MSR1: variants seen among roughly 807,000 people sequenced by gnomAD.
The protein encoded by MSR1 is macrophage scavenger receptor types I and II.
MSR1 carries 53 observed loss-of-function variants against 47.2 expected under a neutral mutation model. The observed-to-expected ratio is 1.12, with a 90% CI of 0.90 to 1.41. MSR1 has a LOEUF of 1.41. MSR1 is among the 40% of genes most tolerant of loss of function. MSR1 has a pLI of 0.00. For synonymous variants in MSR1, 239 were observed against 185.6 expected (o/e 1.29, Z -2.34); for missense variants, 786 against 546.9 (o/e 1.44, Z -4.36).
chr8:16,192,420 G>GA, intron 1 of MSR1, among the ~76,000 whole-genome samples, 178 bp downstream of exon 1: 1 of 151,252 alleles, frequency 6.6e-6, no homozygotes, highest in African/African-American at 2.4e-5. Context: ...TTTGATTATC[G>GA]AAAAAAACCA....
At chr8:16,164,279 C>A in intron 4 of MSR1, 28 bp from the exon 5 acceptor site, 2 of 1,584,598 alleles carry the variant, frequency 1.3e-6, no homozygotes, top group Non-Finnish European at 1.7e-6. Flanking sequence ...GCATTCACAG[C>A]CTTTGTTACA....
At chr8:16,179,487 T>G (rs1450518069) in intron 1 of MSR1, among the ~76,000 whole-genome samples, 2 of 152,340 alleles carry the variant, frequency 1.3e-5, no homozygotes, top group Admixed American at 6.5e-5. Flanking sequence ...TCCTTAGTAT[T>G]ATTTTAATTA....
chr8:16,180,146 CCTT>C (rs1801785929), intron 1 of MSR1, among the ~76,000 whole-genome samples: 1 of 151,666 alleles, frequency 6.6e-6, no homozygotes, highest in Non-Finnish European at 1.5e-5. Flanking sequence ...CCTCTCTCTC[CCTT>C]CTTTCTCTCT....
intron 9 of MSR1, among the ~76,000 whole-genome samples, chr8:16,111,854 G>A (rs1013597780): frequency 2.3e-4 from 35 of 152,240 alleles, no homozygotes; most frequent in African/African-American, 7.0e-4. Context: ...GGAACTGTAC[G>A]TGCTCAAAGT....
At chr8:16,188,975 T>C (rs745391880) in intron 1 of MSR1, among the ~76,000 whole-genome samples, 22,041 of 127,574 alleles carry the variant, frequency 0.17, 2,697 homozygotes, top group African/African-American at 0.37. Context: ...TACATATATA[T>C]ATATATATAT....
chr8:16,143,138 A>G (rs1371346883), intron 8 of MSR1, among the ~76,000 whole-genome samples: 2 of 152,118 alleles, frequency 1.3e-5, no homozygotes, highest in African/African-American at 4.8e-5. Context: ...ATAAACGAAG[A>G]GCCCCAGACA....
chr8:16,133,425 A>G (rs1800311785), intron 8 of MSR1, among the ~76,000 whole-genome samples: 1 of 152,152 alleles, frequency 6.6e-6, no homozygotes, highest in African/African-American at 2.4e-5. Flanking sequence ...CTCTCCCAAA[A>G]ATTGTCCTAG....
intron 8 of MSR1, among the ~76,000 whole-genome samples, chr8:16,129,501 T>A (rs1800206168): frequency 6.6e-6 from 1 of 152,046 alleles, no homozygotes; most frequent in Non-Finnish European, 1.5e-5. Flanking sequence ...ACCCCAGCAC[T>A]TTGGGAGGTC....
intron 7 of MSR1, among the ~76,000 whole-genome samples, chr8:16,148,433 T>C (rs527530587): frequency 1.7e-4 from 26 of 152,202 alleles, no homozygotes; most frequent in Non-Finnish European, 3.4e-4. Flanking sequence ...AGCACATTAA[T>C]GTTTATAGCT....
Position 16,136,375 on chromosome 8 carries a change from G to A in MSR1, c.1033+7183C>T, listed in dbSNP as rs569372618. The stretch of plus-strand genomic sequence containing the variant: ...TTCCGGAAGGTTCAAATGATTGTTA[G>A]CATTTTTTAGCAATAAAGTATTTTA... On this transcript the variant is annotated intron_variant, in intron 8 of 9. Transcript: ENST00000262101. Among the ~76,000 whole-genome samples, 5 of 152,198 alleles carry A rather than the reference G, an allele frequency of 3.3e-5. No homozygotes were observed. The East Asian group carries it at 9.6e-4, about 29-fold the overall frequency.
intron 1 of MSR1, among the ~76,000 whole-genome samples, chr8:16,188,921 T>C (rs966268955): frequency 6.7e-6 from 1 of 148,660 alleles, no homozygotes; most frequent in African/African-American, 2.5e-5. Flanking sequence ...TGAGGGACAT[T>C]TGGGTTGGTT....
chr8:16,187,655 A>G (rs1351991524), intron 1 of MSR1, among the ~76,000 whole-genome samples: 1 of 152,152 alleles, frequency 6.6e-6, no homozygotes, highest in Non-Finnish European at 1.5e-5. Context: ...TTAAAATTAC[A>G]TAAATAAATG....
At position 16,168,741 on chromosome 8, in the gene MSR1, T is replaced by G. The variant is rs367658865; in HGVS notation, c.347A>C (p.Glu116Ala). 6.2e-7 allele frequency: 1 copy of G among 1,614,068 alleles called. No individual in the cohort carries two copies. The highest frequency in any genetic ancestry group is 8.5e-7 in the Non-Finnish European group (1 of 1,180,030). The stretch of plus-strand genomic sequence containing the variant: ...TCTCTTCTCCATGTTGCTCATGTGT[T>G]CCATAAAGACTTCTTGAAATCTCAT... ...EEMRFQEVFMEHMSNMEKRIQ... is the reference protein window; with the variant it reads ...EEMRFQEVFMAHMSNMEKRIQ... The change falls in exon 4 of 10, where the codon GAA becomes GCA. Residue 116 changes from glutamate (E) to alanine (A), a missense_variant. Transcript: ENST00000262101.
At position 16,189,594 on chromosome 8, in the gene MSR1, TA is replaced by T. The variant is rs1802126370; in HGVS notation, c.-5+3003del. On this transcript the variant is annotated intron_variant, in intron 1 of 9. Coordinates refer to ENST00000262101, the MANE Select transcript of MSR1 (RefSeq NM_138715.3). Reference sequence around the variant, plus strand: ...TTTTATATATATTTTATATATATTTTATATATATATAAAATCTTATTTTATA... The same window carrying T: ...TTTTATATATATTTTATATATATTTTTATATATATAAAATCTTATTTTATA... 4.0e-5 allele frequency among the ~76,000 whole-genome samples: 3 copies of T among 74,704 alleles called. 1 individual carries two copies. The highest frequency in any genetic ancestry group is 6.1e-5 in the Non-Finnish European group (3 of 49,256). 49.0% of individuals were successfully genotyped at this position (74,704 alleles called of 152,430 possible). A position where few individuals can be genotyped will look rare whatever the true frequency, so the allele number is the denominator to read the frequency against.
chr8:16,166,164 CTTTTTTTTTTTTT>C (rs397892292), intron 4 of MSR1, among the ~76,000 whole-genome samples: 1 of 71,306 alleles, frequency 1.4e-5, no homozygotes, highest in African/African-American at 5.6e-5. Context: ...CTTTTTCTTT[CTTTTTTTTTTTTT>C]TTTTTTTTTT....
intron 8 of MSR1, among the ~76,000 whole-genome samples, chr8:16,125,492 T>C (rs1218846167): frequency 1.3e-5 from 2 of 152,196 alleles, no homozygotes; most frequent in Non-Finnish European, 2.9e-5. Flanking sequence ...TGAATGTTCA[T>C]TCTATAGTTT....
intron 3 of MSR1, 36 bp from the exon 4 acceptor site, chr8:16,168,906 T>G: frequency 6.3e-7 from 1 of 1,597,288 alleles, no homozygotes. Flanking sequence ...AGTCATGGCC[T>G]GATCCTTGAA....
chr8:16,120,645 A>C, intron 8 of MSR1, 39 bp from the exon 9 acceptor site: 2 of 1,540,562 alleles, frequency 1.3e-6, no homozygotes, highest in Non-Finnish European at 1.7e-6. Context: ...AAAAAAAGGC[A>C]AGCAAGGACT....
intron 8 of MSR1, among the ~76,000 whole-genome samples, chr8:16,129,191 T>C (rs534217778): frequency 1.5e-4 from 23 of 152,168 alleles, no homozygotes; most frequent in Non-Finnish European, 3.1e-4. Context: ...TGCAGAATTA[T>C]ATAAAACGTC....
Sources: gnomAD v4.1 joint callset for allele counts (sites outside exome capture counted in the v4.1 genomes callset) on GRCh38, gnomAD v4.1.1 for gene constraint, MANE v1.5 for transcripts, NCBI Gene and HGNC (gene_info 2026-07-23, HGNC 2026-07-21) for gene names.